Variants in SESTD1 observed in about 807,000 individuals in gnomAD.
SESTD1 encodes the protein SEC14 domain and spectrin repeat-containing protein 1.
In SESTD1, 43 loss-of-function variants were observed where a neutral mutation model predicts 101.7. That is an observed-to-expected ratio of 0.42 (90% CI 0.33 to 0.55). The LOEUF (loss-of-function observed/expected upper bound fraction) is 0.55. Among genes scored for constraint, SESTD1 ranks in the 20% least tolerant of loss-of-function variants. SESTD1 has a pLI of 0.07. For missense variants in SESTD1, 647 were observed against 815.1 expected, an observed-to-expected ratio of 0.79 and a Z score of 2.51; for synonymous variants, 283 against 286.8, an observed-to-expected ratio of 0.99 and a Z score of 0.13.
chr2:179,233,354 T>C (rs1232755092), intron 1 of SESTD1, among the ~76,000 whole-genome samples: 1 of 152,196 alleles, frequency 6.6e-6, no homozygotes, highest in Non-Finnish European at 1.5e-5. Context: ...GACTTCCTAC[T>C]GTTAAAGGTA....
intron 1 of SESTD1, among the ~76,000 whole-genome samples, chr2:179,236,745 T>C (rs1267078751): frequency 7.5e-6 from 1 of 133,336 alleles, no homozygotes; most frequent in African/African-American, 3.2e-5. Context: ...AAAAATCTGA[T>C]GTAGTTTTTT....
intron 1 of SESTD1, among the ~76,000 whole-genome samples, chr2:179,221,618 GAAA>G (rs751713024): frequency 8.3e-6 from 1 of 120,470 alleles, no homozygotes. Flanking sequence ...GACTGTTAAG[GAAA>G]AAAAAAAAAA....
chr2:179,252,262 G>C (rs941407914), intron 1 of SESTD1, among the ~76,000 whole-genome samples: 17 of 152,284 alleles, frequency 1.1e-4, no homozygotes, highest in South Asian at 2.1e-4. Flanking sequence ...GAGTTCTTAG[G>C]TATTTTGAAA....
chr2:179,108,888 A>C lies in SESTD1; in HGVS notation c.*1011T>G, dbSNP rs1382497592. On this transcript the variant is annotated 3_prime_UTR_variant, in exon 18 of 18. Coordinates refer to ENST00000428443, the MANE Select transcript of SESTD1 (RefSeq NM_178123.5). The stretch of plus-strand genomic sequence containing the variant: ...GAATTTATTTTGCTTTTAGACTATA[A>C]TGAGAAACTAAATTTTATTAACAAT... 6.6e-6 allele frequency: 1 copy of C among 152,074 alleles called. No homozygotes were observed. Among genetic ancestry groups the C allele is most frequent in the Non-Finnish European group, 1.5e-5 (1 of 68,006 alleles). The allele number at this position is 152,074 out of a possible 1,614,324, so 9.4% of individuals were successfully genotyped here.
chr2:179,140,975 T>G (rs533456530), intron 9 of SESTD1, among the ~76,000 whole-genome samples: 1 of 152,304 alleles, frequency 6.6e-6, no homozygotes, highest in African/African-American at 2.4e-5. Context: ...CCATGAAATG[T>G]CAGAGTTTCT....
intron 1 of SESTD1, among the ~76,000 whole-genome samples, chr2:179,198,676 G>T (rs1574029681): frequency 2.0e-5 from 3 of 151,858 alleles, no homozygotes; most frequent in African/African-American, 7.3e-5. Flanking sequence ...CAACTACATG[G>T]AAACTGAACA....
At chr2:179,182,426 C>A (rs2046130620) in intron 3 of SESTD1, among the ~76,000 whole-genome samples, 1 of 152,100 alleles carries the variant, frequency 6.6e-6, no homozygotes, top group South Asian at 2.1e-4. Context: ...TGGAAGTGAA[C>A]CCTCCATCAT....
chr2:179,202,223 T>G (rs1273259619), intron 1 of SESTD1, among the ~76,000 whole-genome samples: 1 of 133,744 alleles, frequency 7.5e-6, no homozygotes, highest in Non-Finnish European at 1.6e-5. Flanking sequence ...TTTTTAAAAC[T>G]TCTCAGAATC....
chr2:179,246,709 G>A (rs780109408), intron 1 of SESTD1, among the ~76,000 whole-genome samples: 1 of 152,152 alleles, frequency 6.6e-6, no homozygotes, highest in African/African-American at 2.4e-5. Flanking sequence ...GAGCAATAAA[G>A]CAAATCTCAA....
At chr2:179,197,604 A>T (rs1410524977) in intron 1 of SESTD1, among the ~76,000 whole-genome samples, 1 of 152,240 alleles carries the variant, frequency 6.6e-6, no homozygotes, top group South Asian at 2.1e-4. Flanking sequence ...GACTAACAGC[A>T]GATCTCTCTG....
At chr2:179,174,421 C>A (rs1055250113) in intron 4 of SESTD1, 6 of 466,922 alleles carry the variant, frequency 1.3e-5, no homozygotes, top group African/African-American at 1.0e-4. Context: ...TGCCACTGAT[C>A]AAAGTCCAGT....
chr2:179,143,578 A>G lies in SESTD1; in HGVS notation c.849+14T>C, dbSNP rs200308267. On this transcript the variant is annotated intron_variant, in intron 9 of 17. Coordinates refer to ENST00000428443, the MANE Select transcript of SESTD1 (RefSeq NM_178123.5). ...AATTAAAAAGAGTTAAATATATTCAAATCAGACACCTACCTGCATTACCTT... is the reference window on the plus strand; with the variant it reads ...AATTAAAAAGAGTTAAATATATTCAGATCAGACACCTACCTGCATTACCTT... 1 of 1,611,890 alleles carries G rather than the reference A, an allele frequency of 6.2e-7. No homozygotes were observed. The highest frequency in any genetic ancestry group is 8.5e-7 in the Non-Finnish European group (1 of 1,178,148).
intron 1 of SESTD1, among the ~76,000 whole-genome samples, chr2:179,251,141 T>C (rs1251299271): frequency 6.6e-6 from 1 of 152,174 alleles, no homozygotes; most frequent in Admixed American, 6.5e-5. Flanking sequence ...CAGTGAATTA[T>C]GCTGAATTAA....
intron 5 of SESTD1, among the ~76,000 whole-genome samples, chr2:179,159,059 A>G (rs1474766637): frequency 2.0e-5 from 3 of 152,214 alleles, no homozygotes; most frequent in African/African-American, 7.2e-5. Flanking sequence ...TTTTACTAGA[A>G]ACATTCTTTT....
rs1575420007 is a variant in SESTD1, at chr2:179,115,005, A to G, written c.1839+60T>C. ...ATATAGTTACATTACTAAAATTAAC[A>G]TATTTTAAACACATATAATCAATAC... On this transcript the variant is annotated intron_variant, in intron 16 of 17. Transcript: ENST00000428443. 8 of 1,394,390 alleles carry G rather than the reference A, an allele frequency of 5.7e-6. No individual in the cohort carries two copies. The East Asian group carries it at 1.8e-4, about 32-fold the overall frequency. 86.4% of individuals were successfully genotyped at this position (1,394,390 alleles called of 1,614,324 possible).
intron 1 of SESTD1, among the ~76,000 whole-genome samples, chr2:179,222,173 AGATCTCTCTACTATGG>A (rs1009985066): frequency 6.6e-6 from 1 of 152,162 alleles, no homozygotes; most frequent in Non-Finnish European, 1.5e-5. Context: ...CCCCCACCAA[AGATCTCTCTACTATGG>A]GATTCTGTTC....
chr2:179,147,740 TCA>T, intron 7 of SESTD1, among the ~76,000 whole-genome samples: 1 of 152,308 alleles, frequency 6.6e-6, no homozygotes, highest in South Asian at 2.1e-4. Context: ...TCTGCAATAT[TCA>T]CAGTCATTCT....
intron 17 of SESTD1, 134 bp from the exon 18 acceptor site, chr2:179,110,162 G>T: frequency 1.3e-6 from 1 of 798,352 alleles, no homozygotes; most frequent in Non-Finnish European, 1.9e-6. Context: ...GTTCATCGGT[G>T]ATCATACTGT....
At chr2:179,152,056 C>T (rs772876819) in intron 5 of SESTD1, among the ~76,000 whole-genome samples, 1 of 151,992 alleles carries the variant, frequency 6.6e-6, no homozygotes, top group Non-Finnish European at 1.5e-5. Flanking sequence ...TGAAGATACA[C>T]ATGCATAAAA....
Sources: allele counts gnomAD v4.1 joint callset (sites outside exome capture counted in the v4.1 genomes callset), GRCh38; gene constraint gnomAD v4.1.1; transcripts MANE v1.5; gene names NCBI Gene and HGNC (gene_info 2026-07-23, HGNC 2026-07-21).